DCC: variants seen among roughly 807,000 people sequenced by gnomAD.
The protein encoded by DCC is netrin receptor DCC.
Under a neutral mutation model 172.5 loss-of-function variants are expected in DCC, and 58 were observed. The observed-to-expected ratio is 0.34, with a 90% CI of 0.27 to 0.42. The LOEUF is 0.42. Among genes scored for constraint, DCC ranks in the 10% least tolerant of loss-of-function variants. The pLI is 1.00. For missense variants in DCC, 1,740 were observed against 1,791.0 expected (o/e 0.97, Z 0.51); for synonymous variants, 709 against 644.5 (o/e 1.10, Z -1.52).
intron 1 of DCC, among the ~76,000 whole-genome samples, chr18:52,741,042 A>G (rs2036814878): frequency 6.6e-6 from 1 of 152,210 alleles, no homozygotes; most frequent in Non-Finnish European, 1.5e-5. Context: ...CAGATCAGAC[A>G]AAGAACTCAG....
intron 21 of DCC, among the ~76,000 whole-genome samples, chr18:53,419,380 C>T (rs1426709228): frequency 6.6e-6 from 1 of 152,028 alleles, no homozygotes; most frequent in Non-Finnish European, 1.5e-5. Context: ...GTAGGTCTTA[C>T]TCATTATTTC....
chr18:52,866,418 T>C (rs1010080059), intron 2 of DCC, among the ~76,000 whole-genome samples: 1 of 152,200 alleles, frequency 6.6e-6, no homozygotes, highest in African/African-American at 2.4e-5. Flanking sequence ...TTTTTCTAAC[T>C]CTTTGAAGAA....
intron 7 of DCC, among the ~76,000 whole-genome samples, chr18:53,105,389 G>A (rs950030865): frequency 9.2e-5 from 14 of 151,944 alleles, no homozygotes; most frequent in African/African-American, 2.4e-4. Flanking sequence ...TATCTGTCTC[G>A]GAAAGATCTT....
At chr18:52,851,105 T>C (rs1029000841) in intron 2 of DCC, among the ~76,000 whole-genome samples, 4 of 152,106 alleles carry the variant, frequency 2.6e-5, no homozygotes, top group Admixed American at 2.0e-4. Context: ...TATCTTACGA[T>C]GTATACTTGT....
intron 5 of DCC, among the ~76,000 whole-genome samples, chr18:53,053,229 T>C (rs926775754): frequency 1.3e-5 from 2 of 152,108 alleles, no homozygotes; most frequent in Non-Finnish European, 2.9e-5. Flanking sequence ...TTTGCATTCA[T>C]TGATGTTCGG....
chr18:53,245,077 A>G (rs1375331102), intron 12 of DCC, among the ~76,000 whole-genome samples: 2 of 152,026 alleles, frequency 1.3e-5, no homozygotes, highest in Non-Finnish European at 2.9e-5. Flanking sequence ...AGAGTCATAT[A>G]TTTGGATGCC....
intron 7 of DCC, among the ~76,000 whole-genome samples, chr18:53,112,995 C>T (rs2043355298): frequency 6.6e-6 from 1 of 151,504 alleles, no homozygotes; most frequent in Non-Finnish European, 1.5e-5. Flanking sequence ...GATTCTTGCT[C>T]ATGACTGATT....
chr18:52,574,868 T>C (rs774864315), intron 1 of DCC, among the ~76,000 whole-genome samples: 2 of 152,298 alleles, frequency 1.3e-5, no homozygotes, highest in African/African-American at 4.8e-5. Flanking sequence ...ACTTGTCATA[T>C]GTGAATAGGC....
intron 22 of DCC, among the ~76,000 whole-genome samples, chr18:53,446,107 A>AC (rs1006584560): frequency 4.2e-5 from 6 of 144,062 alleles, no homozygotes; most frequent in African/African-American, 1.3e-4. Context: ...ACAAAAAAAA[A>AC]AAAAAAACAA....
At chr18:53,285,562 C>T (rs1197183220) in intron 12 of DCC, among the ~76,000 whole-genome samples, 5 of 152,226 alleles carry the variant, frequency 3.3e-5, no homozygotes, top group African/African-American at 1.2e-4. Flanking sequence ...GGGGCACGAC[C>T]CTCGTGGAGA....
chr18:53,312,173 A>AAAAAAAAAAAAAAAAAT (rs2057278403), intron 13 of DCC, among the ~76,000 whole-genome samples: 2 of 35,838 alleles, frequency 5.6e-5, no homozygotes. Flanking sequence ...AAAAAAAAAA[A>AAAAAAAAAAAAAAAAAT]AAAAGAAAAA....
rs183460468 is a variant in DCC, at chr18:52,878,658, T to G, written c.413-27386T>G. 2.1e-3 allele frequency among the ~76,000 whole-genome samples: 316 copies of G among 152,338 alleles called. 1 individual carries two copies. The highest frequency in any genetic ancestry group is 7.2e-3 in the African/African-American group (300 of 41,562). On this transcript the variant is annotated intron_variant, in intron 2 of 28. Coordinates refer to ENST00000442544, the MANE Select transcript of DCC (RefSeq NM_005215.4). ...TCATTATTTTCTCTCACATGTTATT[T>G]TTACTTATTTGTTTATTATCTGATT...
At chr18:53,374,084 CAG>C (rs2058086686) in intron 15 of DCC, among the ~76,000 whole-genome samples, 1 of 152,166 alleles carries the variant, frequency 6.6e-6, no homozygotes, top group Non-Finnish European at 1.5e-5. Context: ...CAAAGGTAAA[CAG>C]AGCTTTTATG....
intron 25 of DCC, among the ~76,000 whole-genome samples, chr18:53,472,886 A>G (rs2045715319): frequency 1.3e-5 from 2 of 152,322 alleles, no homozygotes; most frequent in East Asian, 3.9e-4. Context: ...CGTTTTTAGC[A>G]TATCATATTG....
At chr18:52,584,080 G>T (rs573092897) in intron 1 of DCC, among the ~76,000 whole-genome samples, 2 of 152,146 alleles carry the variant, frequency 1.3e-5, no homozygotes, top group Admixed American at 6.5e-5. Flanking sequence ...GGATCTGAAG[G>T]TTGCAGTAAT....
chr18:53,198,418 CATT>C (rs1322610631), intron 9 of DCC, among the ~76,000 whole-genome samples: 1 of 148,204 alleles, frequency 6.7e-6, no homozygotes, highest in Non-Finnish European at 1.5e-5. Context: ...AATTATAAAT[CATT>C]AAACTGAGCA....
chr18:52,418,823 C>T (rs1455311949), intron 1 of DCC, among the ~76,000 whole-genome samples: 3 of 150,738 alleles, frequency 2.0e-5, no homozygotes, highest in East Asian at 2.0e-4. Flanking sequence ...AAACAGTATC[C>T]GAGATCCTTT....
intron 1 of DCC, among the ~76,000 whole-genome samples, chr18:52,635,783 G>A (rs1171119721): frequency 6.6e-6 from 1 of 151,602 alleles, no homozygotes. Flanking sequence ...TTGCTTTCAT[G>A]TTTCATGCAC....
At chr18:53,341,431 C>A (rs971363423) in intron 15 of DCC, among the ~76,000 whole-genome samples, 2 of 151,908 alleles carry the variant, frequency 1.3e-5, no homozygotes, top group Non-Finnish European at 2.9e-5. Context: ...AAATGCTTAA[C>A]AAGAAAAACA....
Sources: allele counts gnomAD v4.1 joint callset (sites outside exome capture counted in the v4.1 genomes callset), GRCh38; gene constraint gnomAD v4.1.1; transcripts MANE v1.5; gene names NCBI Gene and HGNC (gene_info 2026-07-23, HGNC 2026-07-21).